Variants in ZSCAN25 observed in about 807,000 individuals in gnomAD.
ZSCAN25 encodes the protein zinc finger and SCAN domain-containing protein 25.
ZSCAN25 carries 27 observed loss-of-function variants against 38.7 expected under a neutral mutation model. That is an observed-to-expected ratio of 0.70 (90% CI 0.51 to 0.96). The LOEUF is 0.96. Ranked by LOEUF, ZSCAN25 falls within the 40% of genes least tolerant of loss-of-function variation. The pLI is 0.00. For synonymous variants in ZSCAN25, 273 were observed against 277.7 expected (o/e 0.98, Z 0.17); for missense variants, 637 against 705.9 (o/e 0.90, Z 1.11).
chr7:99,714,766 A>T, the ZSCAN25 span: 1 of 1,571,044 alleles, frequency 6.4e-7, no homozygotes. Context: ...TTCTCTACCA[A>T]TCAGAAGAGT....
At chr7:99,736,292 T>TG in the ZSCAN25 span, among the ~76,000 whole-genome samples, 1 of 152,152 alleles carries the variant, frequency 6.6e-6, no homozygotes, top group Non-Finnish European at 1.5e-5. Flanking sequence ...AATGGGGCAG[T>TG]GGTCACTGCA....
the ZSCAN25 span, chr7:99,666,805 T>A: frequency 6.3e-7 from 1 of 1,589,906 alleles, no homozygotes. Flanking sequence ...TTTTGTGATG[T>A]CTTTTCTGTA....
At chr7:99,703,976 C>G in the ZSCAN25 span, among the ~76,000 whole-genome samples, 6 of 152,034 alleles carry the variant, frequency 3.9e-5, no homozygotes, top group Non-Finnish European at 7.4e-5. Flanking sequence ...GTGTGGCCAC[C>G]ATCTGGCTGC....
downstream of ZSCAN25, among the ~76,000 whole-genome samples, chr7:99,634,216 T>C (rs1562975570): frequency 6.6e-6 from 1 of 152,250 alleles, no homozygotes; most frequent in Non-Finnish European, 1.5e-5. Context: ...AGGTCTGTCC[T>C]GGGGAAATAT....
At chr7:99,703,151 G>A in the ZSCAN25 span, among the ~76,000 whole-genome samples, 1 of 152,206 alleles carries the variant, frequency 6.6e-6, no homozygotes, top group Admixed American at 6.5e-5. Context: ...CCTTGGTGGA[G>A]TCTTTAGGTT....
intron 4 of ZSCAN25, 51 bp downstream of exon 4, chr7:99,620,044 G>A: frequency 6.5e-7 from 1 of 1,530,042 alleles, no homozygotes; most frequent in Non-Finnish European, 8.7e-7. Context: ...GGCAGGGAAT[G>A]TTAAAGAATC....
intron 6 of ZSCAN25, among the ~76,000 whole-genome samples, chr7:99,622,908 A>G (rs751148955): frequency 1.3e-4 from 20 of 152,122 alleles, no homozygotes; most frequent in Non-Finnish European, 2.6e-4. Flanking sequence ...CTGGGTTCAC[A>G]TCATTCTCCT....
chr7:99,716,371 T>C, the ZSCAN25 span, among the ~76,000 whole-genome samples: 16 of 152,210 alleles, frequency 1.1e-4, no homozygotes, highest in Non-Finnish European at 2.2e-4. Context: ...AACAGTACCA[T>C]GTCCTGAGCT....
chr7:99,676,572 T>C, the ZSCAN25 span: 1 of 1,355,128 alleles, frequency 7.4e-7, no homozygotes, highest in Non-Finnish European at 9.8e-7. Context: ...TTGGGGACTC[T>C]CATCCTAGGT....
chr7:99,708,068 C>T, the ZSCAN25 span: 1 of 1,558,040 alleles, frequency 6.4e-7, no homozygotes, highest in Admixed American at 1.7e-5. Flanking sequence ...CACCCCTCTA[C>T]TAGCAGTACA....
chr7:99,659,493 G>T, the ZSCAN25 span: 3 of 154,540 alleles, frequency 1.9e-5, no homozygotes, highest in African/African-American at 4.8e-5. Flanking sequence ...CTACTGGGGG[G>T]TGCCTCCCAG....
the ZSCAN25 span, among the ~76,000 whole-genome samples, chr7:99,721,210 A>G: frequency 2.0e-5 from 3 of 152,340 alleles, no homozygotes; most frequent in Admixed American, 6.5e-5. Context: ...AGAAATGTAT[A>G]GACAAAGATG....
the ZSCAN25 span, chr7:99,717,446 G>A: frequency 4.4e-6 from 7 of 1,592,472 alleles, no homozygotes; most frequent in Non-Finnish European, 5.1e-6. Context: ...CCTCGGAAAG[G>A]AACTCTGATC....
Position 99,630,504 on chromosome 7 carries a change from C to T in ZSCAN25, c.*484C>T, listed in dbSNP as rs572756409. 1 of 995,886 alleles carries T rather than the reference C, an allele frequency of 1.0e-6. No individual in the cohort carries two copies. The highest frequency in any genetic ancestry group is 4.5e-5 in the South Asian group (1 of 22,196). The allele number at this position is 995,886 out of a possible 1,614,324, so 61.7% of individuals were successfully genotyped here. On this transcript the variant is annotated 3_prime_UTR_variant, in exon 8 of 8. Coordinates refer to ENST00000394152, the MANE Select transcript of ZSCAN25 (RefSeq NM_145115.3). ...TGGGAATGCCGTGGTGAATGAGAGA[C>T]TAGACGTGATGCCTCTGGGGGTTGT...
At chr7:99,684,991 A>C in the ZSCAN25 span, 3 of 581,556 alleles carry the variant, frequency 5.2e-6, no homozygotes, top group Non-Finnish European at 9.1e-6. Context: ...GAGAGAGCTC[A>C]GTGCATGTAC....
chr7:99,728,890 A>C, the ZSCAN25 span, among the ~76,000 whole-genome samples: 1 of 152,204 alleles, frequency 6.6e-6, no homozygotes, highest in African/African-American at 2.4e-5. Context: ...AAACTTTATC[A>C]GTCCTTCAGA....
At chr7:99,705,149 A>G in the ZSCAN25 span, 11 of 250,320 alleles carry the variant, frequency 4.4e-5, no homozygotes, top group South Asian at 5.5e-4. Context: ...AATAATTCCT[A>G]TTTTTATTAA....
chr7:99,660,175 C>G, the ZSCAN25 span: 2 of 959,784 alleles, frequency 2.1e-6, no homozygotes, highest in African/African-American at 3.8e-5. Flanking sequence ...GAGCTGTAGA[C>G]TGGAGCTGTT....
the ZSCAN25 span, chr7:99,648,453 A>T: frequency 6.7e-7 from 1 of 1,488,474 alleles, no homozygotes; most frequent in Non-Finnish European, 9.2e-7. Context: ...TGAAAGAAGA[A>T]AAGATGGAAG....
Sources: allele counts gnomAD v4.1 joint callset (sites outside exome capture counted in the v4.1 genomes callset), GRCh38; gene constraint gnomAD v4.1.1; transcripts MANE v1.5; gene names NCBI Gene and HGNC (gene_info 2026-07-23, HGNC 2026-07-21).